The following IFT122 variants were observed in gnomAD, a reference collection of about 807,000 sequenced individuals.
IFT122 encodes the protein intraflagellar transport protein 122 homolog.
In IFT122, 118 loss-of-function variants were observed where a neutral mutation model predicts 161.6. The ratio of observed to expected loss-of-function variants is 0.73; its 90% CI spans 0.63 to 0.85. The LOEUF (loss-of-function observed/expected upper bound fraction) is 0.85, where lower values mean the gene tolerates loss of function less well. Among genes scored for constraint, IFT122 ranks in the 40% least tolerant of loss-of-function variants. The pLI, the probability that IFT122 is intolerant of heterozygous loss-of-function variation, is 0.00. For missense variants in IFT122, 1,381 were observed against 1,579.6 expected, an observed-to-expected ratio of 0.87 and a Z score of 2.13; for synonymous variants, 550 against 602.4, an observed-to-expected ratio of 0.91 and a Z score of 1.27.
chr3:129,444,795 T>C (rs576332329), intron 1 of IFT122, among the ~76,000 whole-genome samples: 7 of 152,312 alleles, frequency 4.6e-5, no homozygotes, highest in African/African-American at 1.7e-4. Context: ...GCTAAGATTA[T>C]AGGCGTGAGC....
intron 13 of IFT122, 137 bp from the exon 14 acceptor site, chr3:129,481,393 C>T: frequency 1.3e-6 from 1 of 774,762 alleles, no homozygotes; most frequent in South Asian, 1.4e-5. Context: ...TTTGATGAGT[C>T]CTTTTCCCTG....
intron 21 of IFT122, among the ~76,000 whole-genome samples, chr3:129,505,109 C>CT (rs1392343561): frequency 2.6e-5 from 4 of 152,220 alleles, no homozygotes; most frequent in Non-Finnish European, 5.9e-5. Context: ...GTGTCAGGCC[C>CT]TGGCTGAGCA....
Position 129,440,589 on chromosome 3 carries a change from TG to T in IFT122, c.41+220del, listed in dbSNP as rs1228646359. Reference sequence around the variant, plus strand: ...GCAAAGGGAGGTGCCGCGCCTGAGGTGGTGGCGGGTGGAGGCGGCTCTTCCC... The same window carrying T: ...GCAAAGGGAGGTGCCGCGCCTGAGGTGTGGCGGGTGGAGGCGGCTCTTCCC... On this transcript the variant is annotated intron_variant, in intron 1 of 29. Transcript: ENST00000348417. Among the ~76,000 whole-genome samples the T allele has an allele frequency of 4.6e-5, 7 of 152,200 alleles. No individual in the cohort carries two copies. In the South Asian group the frequency reaches 1.2e-3, roughly 27 times the overall value.
Position 129,458,604 on chromosome 3 carries a change from C to T in IFT122, c.199C>T (p.Arg67Cys), listed in dbSNP as rs181971625. ...CATTTTACAAACACTTTTAGGCAAG[C>T]GCTTTGCTTCTGGATCAGCTGACAA... ...YCVAYAKDGK[R>C]FASGSADKSV... The change falls in exon 4 of 30, where the codon CGC (arginine) becomes TGC (cysteine). Residue 67 changes from arginine (R) to cysteine (C), a missense_variant. Arg to Cys is a radical substitution (Grantham distance 180). This residue lies in a region of IFT122 where 134 missense variants were observed against 137.4 expected (regional missense o/e 0.98). Transcript: ENST00000348417. 1.5e-5 allele frequency: 25 copies of T among 1,613,512 alleles called. No individual in the cohort carries two copies. The highest frequency in any genetic ancestry group is 1.5e-4 in the African/African-American group (11 of 75,020).
At chr3:129,473,358 A>G (rs929197841) in intron 9 of IFT122, among the ~76,000 whole-genome samples, 1 of 152,222 alleles carries the variant, frequency 6.6e-6, no homozygotes, top group African/African-American at 2.4e-5. Flanking sequence ...TTCAGTCTCC[A>G]TTGATTTTTT....
At chr3:129,481,294 C>G in intron 13 of IFT122, 1 of 509,186 alleles carries the variant, frequency 2.0e-6, no homozygotes, top group South Asian at 1.9e-5. Context: ...CTCGGCCTGT[C>G]TCAGGGCTGT....
intron 26 of IFT122, among the ~76,000 whole-genome samples, chr3:129,517,268 G>GCGCGCGCGCGCGCGCGCACACACACA (rs1553776447): frequency 1.7e-5 from 2 of 117,004 alleles, no homozygotes; most frequent in African/African-American, 6.5e-5. Context: ...CATTGCTCCT[G>GCGCGCGCGCGCGCGCGCACACACACA]CACACACACA....
At position 129,492,123 on chromosome 3, in the gene IFT122, T is replaced by G; in HGVS notation, c.1993-18T>G. ...GCCAAGAAGACAGCTTATTTTATTC[T>G]TTATTTCTTCGCCACAGGCCTTCAT... On this transcript the variant is annotated intron_variant, in intron 16 of 29. Coordinates refer to ENST00000348417, the MANE Select transcript of IFT122 (RefSeq NM_052989.3). 6.2e-7 allele frequency: 1 copy of G among 1,604,236 alleles called. No individual in the cohort carries two copies. The highest frequency in any genetic ancestry group is 8.5e-7 in the Non-Finnish European group (1 of 1,171,754).
intron 16 of IFT122, among the ~76,000 whole-genome samples, chr3:129,489,838 T>TA (rs1220023680): frequency 0.17 from 19,625 of 116,996 alleles, 2,071 homozygotes; most frequent in African/African-American, 0.31. Flanking sequence ...GACTCTGACT[T>TA]AAAAAAAAAA....
intron 9 of IFT122, among the ~76,000 whole-genome samples, chr3:129,471,009 A>G (rs1205631534): frequency 6.6e-6 from 1 of 152,200 alleles, no homozygotes; most frequent in African/African-American, 2.4e-5. Flanking sequence ...GTTTCCATGG[A>G]GGGTGGATTA....
chr3:129,513,176 T>C (rs905821910), intron 24 of IFT122: 1 of 152,600 alleles, frequency 6.6e-6, no homozygotes, highest in Non-Finnish European at 1.5e-5. Flanking sequence ...AGTGGTACCA[T>C]AAGCAGAGCA....
intron 2 of IFT122, among the ~76,000 whole-genome samples, chr3:129,450,786 T>C (rs2074709557): frequency 6.8e-6 from 1 of 146,918 alleles, no homozygotes; most frequent in African/African-American, 2.5e-5. Context: ...AGTGACGCGA[T>C]CTCGGCTTAC....
chr3:129,471,968 A>T (rs945842402), intron 9 of IFT122, among the ~76,000 whole-genome samples: 3 of 152,194 alleles, frequency 2.0e-5, no homozygotes, highest in African/African-American at 7.2e-5. Context: ...TGTTATCATC[A>T]CCATTTTACA....
At chr3:129,461,489 G>A in intron 5 of IFT122, 185 bp downstream of exon 5, 1 of 653,788 alleles carries the variant, frequency 1.5e-6, no homozygotes, top group South Asian at 1.7e-5. Context: ...AGTGAATGGT[G>A]ACCTTTACTC....
rs147869084 is a variant in IFT122, at chr3:129,480,712, C to T, written c.1488+790C>T. Among the ~76,000 whole-genome samples the T allele has an allele frequency of 3.4e-4, 51 of 152,174 alleles. No homozygotes were observed. In the East Asian group the frequency reaches 7.7e-3, roughly 23 times the overall value. ...GCATGGACTATGGGGTCAGGTGGGC[C>T]GGAGGTCGTGTTCTTACTTAGCTAC... On this transcript the variant is annotated intron_variant, in intron 13 of 29. Coordinates refer to ENST00000348417, the MANE Select transcript of IFT122 (RefSeq NM_052989.3).
rs564343956 is a variant in IFT122 at position 129,460,431 on chromosome 3, C to CT, written c.273-789dup. Among the ~76,000 whole-genome samples, 225 of 150,792 alleles carry CT rather than the reference C, an allele frequency of 1.5e-3. 2 individuals are homozygous for CT. The highest frequency in any genetic ancestry group is 9.0e-4 in the Non-Finnish European group (61 of 67,962). On this transcript the variant is annotated intron_variant, in intron 4 of 29. Coordinates refer to ENST00000348417, the MANE Select transcript of IFT122 (RefSeq NM_052989.3). ...TGTAGCATGTGTCAGAATTTACTTC[C>CT]TTTTTTTTCTTTATTATTATTTTTT...
At chr3:129,479,987 A>G (rs780651863) in intron 13 of IFT122, 65 bp downstream of exon 13, 24 of 1,593,904 alleles carry the variant, frequency 1.5e-5, no homozygotes, top group Middle Eastern at 2.0e-4. Flanking sequence ...TGACCCGTCT[A>G]GCAATGACTC....
At chr3:129,503,166 G>A (rs1304710776) in intron 20 of IFT122, among the ~76,000 whole-genome samples, 1 of 152,220 alleles carries the variant, frequency 6.6e-6, no homozygotes, top group Non-Finnish European at 1.5e-5. Context: ...GAACACGACA[G>A]CTCCAGTGCC....
rs554860543 is a variant in IFT122, at chr3:129,494,212, G to GTTTT, written c.2047-1231_2047-1230insTTTT. ...CTAGTAAAACCTTTTTTGTTTGTTTGTTTGTTTTTTTTTTGCAGAGATAGA... is the reference window on the plus strand; with the variant it reads ...CTAGTAAAACCTTTTTTGTTTGTTTGTTTTTTTGTTTTTTTTTTGCAGAGATAGA... On this transcript the variant is annotated intron_variant, in intron 17 of 29. Coordinates refer to ENST00000348417, the MANE Select transcript of IFT122 (RefSeq NM_052989.3). Among the ~76,000 whole-genome samples the GTTTT allele has an allele frequency of 1.5e-5, 2 of 136,710 alleles. 1 individual carries two copies. The highest frequency in any genetic ancestry group is 5.4e-5 in the African/African-American group (2 of 37,248). The allele number at this position is 136,710 out of a possible 152,430, so 89.7% of individuals were successfully genotyped here. A position where few individuals can be genotyped will look rare whatever the true frequency, so the allele number is the denominator to read the frequency against.
Sources: allele counts gnomAD v4.1 joint callset (sites outside exome capture counted in the v4.1 genomes callset), GRCh38; gene constraint gnomAD v4.1.1; regional missense constraint gnomAD v4.1.1; transcripts MANE v1.5; gene names NCBI Gene and HGNC (gene_info 2026-07-23, HGNC 2026-07-21).